Variants in WWOX observed in about 807,000 individuals in gnomAD.
WWOX encodes the protein WW domain containing oxidoreductase, also known as WW domain-containing oxidoreductase.
Under a neutral mutation model 46.2 loss-of-function variants are expected in WWOX, and 69 were observed. The observed-to-expected ratio is 1.49, with a 90% CI of 1.23 to 1.82. The LOEUF (loss-of-function observed/expected upper bound fraction) is 1.82. Among genes scored for constraint, WWOX ranks in the 40% most tolerant of loss-of-function variants. The pLI, the probability that WWOX is intolerant of heterozygous loss-of-function variation, is 0.00. For synonymous variants in WWOX, 359 were observed against 202.6 expected (o/e 1.77, Z -6.56); for missense variants, 919 against 542.6 (o/e 1.69, Z -6.89).
chr16:78,663,289 G>A (rs1200058815), intron 8 of WWOX, among the ~76,000 whole-genome samples: 1 of 152,098 alleles, frequency 6.6e-6, no homozygotes, highest in Non-Finnish European at 1.5e-5. Context: ...ATGTTTTCAA[G>A]GTTTGTGTTA....
chr16:78,456,551 A>G (rs1223294298), intron 8 of WWOX, among the ~76,000 whole-genome samples: 2 of 152,214 alleles, frequency 1.3e-5, no homozygotes, highest in African/African-American at 2.4e-5. Context: ...GCTAATATAG[A>G]ACAATATTTT....
intron 5 of WWOX, among the ~76,000 whole-genome samples, chr16:78,206,638 T>C (rs2036404756): frequency 6.6e-6 from 1 of 152,206 alleles, no homozygotes; most frequent in African/African-American, 2.4e-5. Flanking sequence ...AAGGGGTTCT[T>C]GGTGAATACT....
intron 8 of WWOX, among the ~76,000 whole-genome samples, chr16:79,201,833 G>A (rs528630794): frequency 6.6e-6 from 1 of 152,246 alleles, no homozygotes; most frequent in South Asian, 2.1e-4. Context: ...TCAGAGGAAG[G>A]CAGCCTGTTT....
Position 78,856,168 on chromosome 16 carries a change from A to T in WWOX, c.1057-355440A>T, listed in dbSNP as rs78792200. ...AGAGTCAGTCTGGTCCCTAGAAATA[A>T]TTTTTTTGGTGCATAAAGGGCCAGA... On this transcript the variant is annotated intron_variant, in intron 8 of 8. Transcript: ENST00000566780. 2.4e-3 allele frequency among the ~76,000 whole-genome samples: 368 copies of T among 152,222 alleles called. 15 individuals are homozygous for T. The East Asian group carries it at 0.069, about 28-fold the overall frequency.
intron 8 of WWOX, among the ~76,000 whole-genome samples, chr16:79,080,613 C>G (rs541200768): frequency 6.6e-5 from 10 of 152,308 alleles, no homozygotes; most frequent in African/African-American, 2.2e-4. Context: ...TGGACTCAAT[C>G]TGGACCCAGT....
At chr16:78,805,250 C>G (rs1248474405) in intron 8 of WWOX, among the ~76,000 whole-genome samples, 1 of 152,030 alleles carries the variant, frequency 6.6e-6, no homozygotes, top group East Asian at 1.9e-4. Flanking sequence ...TCCAAAACAG[C>G]ATATATATGT....
At chr16:78,822,312 G>A (rs1181226698) in intron 8 of WWOX, among the ~76,000 whole-genome samples, 1 of 152,128 alleles carries the variant, frequency 6.6e-6, no homozygotes, top group Non-Finnish European at 1.5e-5. Context: ...TGGCTGACAT[G>A]ACGAAACGCC....
chr16:78,340,201 C>CTTT lies in WWOX; in HGVS notation c.517-46648_517-46646dup, dbSNP rs199760062. 4.0e-5 allele frequency among the ~76,000 whole-genome samples: 4 copies of CTTT among 100,626 alleles called. 1 individual carries two copies. Among genetic ancestry groups the CTTT allele is most frequent in the African/African-American group, 1.3e-4 (4 of 30,200 alleles). 66.0% of individuals were successfully genotyped at this position (100,626 alleles called of 152,430 possible). A position where few individuals can be genotyped will look rare whatever the true frequency, so the allele number is the denominator to read the frequency against. ...TTTGGTAATTGTGTTTGATGATAGT[C>CTTT]TTTTTTTTTTTTTGAGATGGAGTCT... is the stretch of plus-strand genomic sequence containing the variant. On this transcript the variant is annotated intron_variant, in intron 5 of 8. Transcript: ENST00000566780.
intron 5 of WWOX, among the ~76,000 whole-genome samples, chr16:78,169,461 C>G (rs576210995): frequency 7.4e-5 from 6 of 81,434 alleles, no homozygotes; most frequent in South Asian, 3.1e-4. Flanking sequence ...GTCTTGAGAT[C>G]TCAGGACCTC....
At chr16:78,584,347 G>A (rs2045140372) in intron 8 of WWOX, among the ~76,000 whole-genome samples, 1 of 152,192 alleles carries the variant, frequency 6.6e-6, no homozygotes, top group Non-Finnish European at 1.5e-5. Flanking sequence ...GCATTTTGGA[G>A]ACCAAGCACT....
At chr16:78,635,010 G>T (rs376630310) in intron 8 of WWOX, among the ~76,000 whole-genome samples, 6 of 152,110 alleles carry the variant, frequency 3.9e-5, no homozygotes, top group Non-Finnish European at 8.8e-5. Flanking sequence ...CCATGCTTTC[G>T]TTTGGGATTC....
rs1354167299 is a variant in WWOX, at chr16:78,673,549, C to G, written c.1056+240797C>G. 2.0e-5 allele frequency among the ~76,000 whole-genome samples: 3 copies of G among 152,238 alleles called. No homozygotes were observed. The East Asian group carries it at 5.8e-4, about 29-fold the overall frequency. On this transcript the variant is annotated intron_variant, in intron 8 of 8. Transcript: ENST00000566780. ...CATACTTGATTGGAAAGAGAAGCTT[C>G]TGGATGGTTGAAGGGGAAAGGAGTT...
At position 78,838,952 on chromosome 16, in the gene WWOX, G is replaced by A. The variant is rs549688662; in HGVS notation, c.1057-372656G>A. ...CAGAGTGGATTTAAAACAGCAACTGGAGGATCCTGGTATAGATGGAAATGT... is the reference window on the plus strand; with the variant it reads ...CAGAGTGGATTTAAAACAGCAACTGAAGGATCCTGGTATAGATGGAAATGT... On this transcript the variant is annotated intron_variant, in intron 8 of 8. Transcript: ENST00000566780. 4.1e-4 allele frequency among the ~76,000 whole-genome samples: 63 copies of A among 152,246 alleles called. No homozygotes were observed. In the South Asian group the frequency reaches 0.012, roughly 29 times the overall value.
intron 8 of WWOX, among the ~76,000 whole-genome samples, chr16:79,113,009 T>C (rs2049446636): frequency 6.6e-6 from 1 of 152,228 alleles, no homozygotes; most frequent in African/African-American, 2.4e-5. Flanking sequence ...CAAGTTCTTG[T>C]TGAGTGCCAG....
At chr16:79,001,412 T>A (rs940212065) in intron 8 of WWOX, among the ~76,000 whole-genome samples, 1 of 152,220 alleles carries the variant, frequency 6.6e-6, no homozygotes, top group Non-Finnish European at 1.5e-5. Context: ...ACCCAGCATG[T>A]AACTCGAGTG....
At chr16:79,046,597 T>G (rs1021870100) in intron 8 of WWOX, among the ~76,000 whole-genome samples, 2 of 152,242 alleles carry the variant, frequency 1.3e-5, no homozygotes, top group Non-Finnish European at 2.9e-5. Context: ...TTTCTCCCAG[T>G]TCCTCCCCAG....
At chr16:78,830,267 G>T (rs1403274892) in intron 8 of WWOX, among the ~76,000 whole-genome samples, 1 of 151,826 alleles carries the variant, frequency 6.6e-6, no homozygotes, top group East Asian at 1.9e-4. Context: ...TGGGGTTATT[G>T]TCCTCCCTTT....
chr16:78,339,821 C>T lies in WWOX; in HGVS notation c.517-47039C>T, dbSNP rs79770678. On this transcript the variant is annotated intron_variant, in intron 5 of 8. Transcript: ENST00000566780. ...TTCTCTTTCATTTCTATCTGCTTCT[C>T]TCTTGGGAGTACAATGGGAGGCATA... is the stretch of plus-strand genomic sequence containing the variant. Among the ~76,000 whole-genome samples the T allele has an allele frequency of 1.0e-4, 12 of 117,562 alleles. No homozygotes were observed. In the East Asian group the frequency reaches 2.3e-3, roughly 23 times the overall value. 77.1% of individuals were successfully genotyped at this position (117,562 alleles called of 152,430 possible). A position where few individuals can be genotyped will look rare whatever the true frequency, so the allele number is the denominator to read the frequency against.
intron 8 of WWOX, among the ~76,000 whole-genome samples, chr16:78,446,818 C>T (rs4374181): frequency 6.6e-6 from 1 of 151,438 alleles, no homozygotes; most frequent in Non-Finnish European, 1.5e-5. Flanking sequence ...GTGCTACTAC[C>T]CCCGGCAAAC....
Sources: allele counts gnomAD v4.1 joint callset (sites outside exome capture counted in the v4.1 genomes callset), GRCh38; gene constraint gnomAD v4.1.1; transcripts MANE v1.5; gene names NCBI Gene and HGNC (gene_info 2026-07-23, HGNC 2026-07-21).